The following CENPF variants were observed in gnomAD, a reference collection of about 807,000 sequenced individuals.
CENPF encodes centromere protein F, also known as AH antigen.
CENPF carries 214 observed loss-of-function variants against 307.3 expected under a neutral mutation model. The ratio of observed to expected loss-of-function variants is 0.70; its 90% CI spans 0.62 to 0.78. The LOEUF is 0.78. Among genes scored for constraint, CENPF ranks in the 30% least tolerant of loss-of-function variants. CENPF has a pLI of 0.00. For synonymous variants in CENPF, 1,259 were observed against 1,270.6 expected, an observed-to-expected ratio of 0.99 and a Z score of 0.19; for missense variants, 3,401 against 3,483.9, an observed-to-expected ratio of 0.98 and a Z score of 0.60.
intron 13 of CENPF, chr1:214,647,945 G>T (rs200541067): frequency 9.1e-5 from 45 of 494,236 alleles, no homozygotes; most frequent in Middle Eastern, 3.2e-4. Flanking sequence ...CCTTCTCTTT[G>T]TGCAGTCTTC....
rs760207200 is a variant in CENPF, at chr1:214,641,972, C to T, written c.3634C>T (p.Gln1212Ter). 7.5e-6 allele frequency: 12 copies of T among 1,604,194 alleles called. No individual in the cohort carries two copies. The highest frequency in any genetic ancestry group is 9.3e-6 in the Non-Finnish European group (11 of 1,177,420). The change falls in exon 12 of 20, where the codon CAA becomes TAA. Residue 1212 changes from glutamine to a stop codon, truncating the protein, a stop_gained. Transcript: ENST00000366955. LOFTEE classifies it high-confidence loss of function. The part of the protein sequence containing the change: ...SLDSYNAQLV[Q>*]LEAMLRNKEL... ...AGATAGTTATAATGCGCAGTTGGTG[C>T]AATTAGAAGCTATGCTAAGAAATAA...
chr1:214,616,410 A>G (rs920347524), intron 3 of CENPF, among the ~76,000 whole-genome samples: 1 of 152,204 alleles, frequency 6.6e-6, no homozygotes, highest in Admixed American at 6.5e-5. Flanking sequence ...GCAACGTCCA[A>G]TATGGTAGTC....
intron 17 of CENPF, among the ~76,000 whole-genome samples, chr1:214,655,651 G>A (rs981588702): frequency 6.6e-6 from 1 of 152,166 alleles, no homozygotes; most frequent in Admixed American, 6.5e-5. Context: ...AGGTGGGAGT[G>A]CAGTGGTGCC....
intron 7 of CENPF, 74 bp downstream of exon 7, chr1:214,622,355 C>A (rs1373729039): frequency 1.7e-6 from 2 of 1,211,214 alleles, no homozygotes; most frequent in African/African-American, 1.6e-5. Context: ...GTATTTTATA[C>A]ATAAGTTTAT....
chr1:214,630,286 A>G (rs1657769606), intron 8 of CENPF, among the ~76,000 whole-genome samples: 1 of 152,198 alleles, frequency 6.6e-6, no homozygotes, highest in Non-Finnish European at 1.5e-5. Flanking sequence ...TGAGGTGGAA[A>G]CAGGCTACTT....
intron 1 of CENPF, chr1:214,605,777 A>T: frequency 6.3e-7 from 1 of 1,593,018 alleles, no homozygotes; most frequent in South Asian, 1.1e-5. Flanking sequence ...CTCCACCCAC[A>T]GCGGCTCCAC....
intron 1 of CENPF, among the ~76,000 whole-genome samples, chr1:214,609,245 C>A (rs1657136071): frequency 1.3e-5 from 2 of 152,200 alleles, no homozygotes; most frequent in Non-Finnish European, 2.9e-5. Context: ...CTGTATATGT[C>A]TTTCCTGGTC....
intron 16 of CENPF, 73 bp downstream of exon 16, chr1:214,653,062 T>A (rs771430598): frequency 5.9e-6 from 8 of 1,345,798 alleles, no homozygotes; most frequent in Non-Finnish European, 8.5e-6. Flanking sequence ...TGGTATAGCA[T>A]TAAACGTTTT....
At chr1:214,620,520 TTGA>T (rs1657475015) in intron 5 of CENPF, 132 bp from the exon 6 acceptor site, 1 of 871,906 alleles carries the variant, frequency 1.1e-6, no homozygotes, top group African/African-American at 1.7e-5. Context: ...TTTACTTGAC[TTGA>T]TGAATGTTCT....
intron 15 of CENPF, among the ~76,000 whole-genome samples, chr1:214,652,202 AT>A (rs1324355280): frequency 1.4e-5 from 2 of 145,636 alleles, no homozygotes; most frequent in East Asian, 2.1e-4. Flanking sequence ...CGCCCGGCTA[AT>A]TTTTTGTATT....
chr1:214,639,109 C>T (rs1658037837), intron 11 of CENPF, among the ~76,000 whole-genome samples: 1 of 152,198 alleles, frequency 6.6e-6, no homozygotes. Context: ...ATACATGTTA[C>T]CTTTATCATC....
chr1:214,661,073 A>G (rs1424989474), intron 19 of CENPF, among the ~76,000 whole-genome samples: 1 of 152,218 alleles, frequency 6.6e-6, no homozygotes, highest in Non-Finnish European at 1.5e-5. Flanking sequence ...CTATCTAGGA[A>G]AAAGAGCTTT....
At chr1:214,631,999 C>T (rs964330593) in intron 9 of CENPF, among the ~76,000 whole-genome samples, 1 of 152,154 alleles carries the variant, frequency 6.6e-6, no homozygotes, top group African/African-American at 2.4e-5. Flanking sequence ...CCTTGATTAC[C>T]ATTGAAGCTA....
In CENPF at chr1:214,635,009, T is replaced by C. The variant is rs544369606; in HGVS notation, c.1446+2407T>C. Among the ~76,000 whole-genome samples, 59 of 152,072 alleles carry C rather than the reference T, an allele frequency of 3.9e-4. 1 individual carries two copies. Among genetic ancestry groups the C allele is most frequent in the South Asian group, 1.5e-3 (7 of 4,804 alleles). The stretch of plus-strand genomic sequence containing the variant: ...ATTTAGTATCAAAGTGAATGGAGGG[T>C]TTAGATAAGCTGCTCGTCCACTATC... On this transcript the variant is annotated intron_variant, in intron 10 of 19. Transcript: ENST00000366955.
Position 214,641,154 on chromosome 1 carries a change from ACT to A in CENPF, c.2821_2822del (p.Leu941LysfsTer25), listed in dbSNP as rs1472728920. ...AAAAAGAGCAACCATCTACTTGAAG[ACT>A]CTCTAAAGGAGCTACAACTTTTATC... On this transcript the variant is annotated frameshift_variant, in exon 12 of 20. Transcript: ENST00000366955. LOFTEE classifies it high-confidence loss of function. 1.3e-6 allele frequency: 2 copies of A among 1,593,752 alleles called. No individual in the cohort carries two copies. Among genetic ancestry groups the A allele is most frequent in the Non-Finnish European group, 1.7e-6 (2 of 1,175,076 alleles).
intron 7 of CENPF, 49 bp downstream of exon 7, chr1:214,622,330 A>G (rs1435347262): frequency 1.4e-5 from 20 of 1,397,034 alleles, no homozygotes; most frequent in Non-Finnish European, 1.9e-5. Context: ...CTTTTCATAC[A>G]ATTATTTAGA....
chr1:214,616,881 CTTTCTTTCTTTCTTTCTTTCTTTCTT>C (rs1657363405), intron 3 of CENPF, among the ~76,000 whole-genome samples: 3 of 103,872 alleles, frequency 2.9e-5, no homozygotes, highest in Non-Finnish European at 4.0e-5. Flanking sequence ...TTCTTTCTTT[CTTTCTTTCTTTCTTTCTTTCTTTCTT>C]TCTTTCTTTC....
Position 214,622,095 on chromosome 1 carries a change from T to G in CENPF, c.882T>G (p.Ile294Met). 1 of 1,613,566 alleles carries G rather than the reference T, an allele frequency of 6.2e-7. No homozygotes were observed. Among genetic ancestry groups the G allele is most frequent in the Non-Finnish European group, 8.5e-7 (1 of 1,179,836 alleles). Residue 294 changes from isoleucine (I) to methionine (M), a missense_variant, in exon 7 of 20, where the codon ATT (isoleucine) becomes ATG (methionine). By Grantham distance (10) the Ile-to-Met change is conservative (BLOSUM62 1). Coordinates refer to ENST00000366955, the MANE Select transcript of CENPF (RefSeq NM_016343.4). ...TGGTTCAAGAGCTAAGAAACAAGATTAATGAGTTGGAACTACGCCTGCAAG... is the reference window on the plus strand; with the variant it reads ...TGGTTCAAGAGCTAAGAAACAAGATGAATGAGTTGGAACTACGCCTGCAAG... ...KAQNQELRNKINELELRLQGH... is the reference protein window; with the variant it reads ...KAQNQELRNKMNELELRLQGH...
At chr1:214,648,643 A>C (rs1445017359) in intron 13 of CENPF, 32 bp from the exon 14 acceptor site, 1 of 1,609,726 alleles carries the variant, frequency 6.2e-7, no homozygotes, top group South Asian at 1.1e-5. Flanking sequence ...AGACCACCAA[A>C]AAGCAGATTC....
Sources: allele counts gnomAD v4.1 joint callset (sites outside exome capture counted in the v4.1 genomes callset), GRCh38; gene constraint gnomAD v4.1.1; transcripts MANE v1.5; gene names NCBI Gene and HGNC (gene_info 2026-07-23, HGNC 2026-07-21).